PALLD: variants seen among roughly 807,000 people sequenced by gnomAD.
PALLD encodes the protein palladin.
Under a neutral mutation model 123.5 loss-of-function variants are expected in PALLD, and 61 were observed. The ratio of observed to expected loss-of-function variants is 0.49; its 90% CI spans 0.40 to 0.61. The LOEUF (loss-of-function observed/expected upper bound fraction) is 0.61, where lower values mean the gene tolerates loss of function less well. Ranked by LOEUF, PALLD falls within the 20% of genes least tolerant of loss-of-function variation. The probability of loss-of-function intolerance (pLI) is 0.00; values close to 1 mark genes in which losing one functional copy is unlikely to be tolerated. For missense variants in PALLD, 1,273 were observed against 1,377.0 expected (o/e 0.92, Z 1.20); for synonymous variants, 465 against 496.4 (o/e 0.94, Z 0.84).
At chr4:168,616,777 C>A (rs561528074) in intron 2 of PALLD, among the ~76,000 whole-genome samples, 1 of 152,172 alleles carries the variant, frequency 6.6e-6, no homozygotes, top group Non-Finnish European at 1.5e-5. Flanking sequence ...GCTTCCCAGG[C>A]AATTCCTAAG....
At chr4:168,701,791 T>C (rs1783697930) in intron 8 of PALLD, among the ~76,000 whole-genome samples, 1 of 152,166 alleles carries the variant, frequency 6.6e-6, no homozygotes, top group Admixed American at 6.5e-5. Flanking sequence ...CCTGGGAAGA[T>C]AGTCCAGGGA....
intron 2 of PALLD, among the ~76,000 whole-genome samples, chr4:168,662,124 G>A (rs1293772719): frequency 6.6e-6 from 1 of 151,990 alleles, no homozygotes; most frequent in African/African-American, 2.4e-5. Flanking sequence ...GTTCAGAATG[G>A]GAATGTAGAT....
At chr4:168,785,844 G>GATATATATATATATATATATAT (rs1230880749) in intron 10 of PALLD, among the ~76,000 whole-genome samples, 28 of 53,192 alleles carry the variant, frequency 5.3e-4, no homozygotes, top group African/African-American at 9.1e-4. Context: ...ATAAACTGTA[G>GATATATATATATATATATATAT]AGATATATAT....
chr4:168,609,062 C>G (rs1773475738), intron 2 of PALLD, among the ~76,000 whole-genome samples: 1 of 152,080 alleles, frequency 6.6e-6, no homozygotes, highest in Non-Finnish European at 1.5e-5. Context: ...ATTGGGTGAT[C>G]TGGAGTTGTC....
In PALLD at chr4:168,688,482, C is replaced by A. The variant is rs80337661; in HGVS notation, c.1336-2121C>A. ...TGTCAGGTGGACTTGATGGTATGGCCAGAGGGGTCCTTGTAAGGATCCTGA... is the reference window on the plus strand; with the variant it reads ...TGTCAGGTGGACTTGATGGTATGGCAAGAGGGGTCCTTGTAAGGATCCTGA... On this transcript the variant is annotated intron_variant, in intron 6 of 21. Coordinates refer to ENST00000505667, the MANE Select transcript of PALLD (RefSeq NM_001166108.2). Among the ~76,000 whole-genome samples, 1,042 of 152,262 alleles carry A rather than the reference C, an allele frequency of 6.8e-3. 11 individuals are homozygous for A. Among genetic ancestry groups the A allele is most frequent in the East Asian group, 0.021 (110 of 5,180 alleles).
At chr4:168,701,468 A>G (rs184596638) in intron 8 of PALLD, among the ~76,000 whole-genome samples, 41 of 152,376 alleles carry the variant, frequency 2.7e-4, no homozygotes, top group Non-Finnish European at 4.3e-4. Context: ...GGGCAACTGT[A>G]TATTCATCCT....
At chr4:168,741,379 A>G (rs1323663736) in intron 10 of PALLD, among the ~76,000 whole-genome samples, 1 of 147,900 alleles carries the variant, frequency 6.8e-6, no homozygotes, top group Non-Finnish European at 1.5e-5. Context: ...TCTTTTTGAT[A>G]AGAATAGTTG....
intron 2 of PALLD, among the ~76,000 whole-genome samples, chr4:168,634,076 CTTAAA>C (rs1776102035): frequency 6.6e-6 from 1 of 152,178 alleles, no homozygotes; most frequent in South Asian, 2.1e-4. Context: ...CTCGGTGTCT[CTTAAA>C]TTAATCATGA....
intron 10 of PALLD, among the ~76,000 whole-genome samples, chr4:168,745,799 A>G (rs542853103): frequency 6.6e-6 from 1 of 152,198 alleles, no homozygotes; most frequent in African/African-American, 2.4e-5. Flanking sequence ...GCTAGTTTGC[A>G]TGTGATCTAA....
chr4:168,824,266 C>T (rs1743118033), intron 10 of PALLD, among the ~76,000 whole-genome samples: 1 of 152,056 alleles, frequency 6.6e-6, no homozygotes, highest in Non-Finnish European at 1.5e-5. Flanking sequence ...TCCAGAAATA[C>T]ATTTTTTTAT....
intron 8 of PALLD, among the ~76,000 whole-genome samples, chr4:168,692,243 G>A (rs1782703277): frequency 6.6e-6 from 1 of 152,126 alleles, no homozygotes; most frequent in African/African-American, 2.4e-5. Flanking sequence ...TCTCACATCT[G>A]TGTACTGGAT....
intron 10 of PALLD, among the ~76,000 whole-genome samples, chr4:168,792,896 A>G (rs1284265316): frequency 6.6e-6 from 1 of 151,146 alleles, no homozygotes; most frequent in Non-Finnish European, 1.5e-5. Context: ...CCTCCCAAGT[A>G]GCTGAGATTA....
At chr4:168,714,811 G>T (rs1295237758) in intron 10 of PALLD, among the ~76,000 whole-genome samples, 1 of 151,786 alleles carries the variant, frequency 6.6e-6, no homozygotes, top group Non-Finnish European at 1.5e-5. Flanking sequence ...ATCTGAAAAT[G>T]GTGTCTGATG....
chr4:168,584,909 GCA>G (rs1303145761), intron 2 of PALLD, among the ~76,000 whole-genome samples: 1 of 152,168 alleles, frequency 6.6e-6, no homozygotes, highest in East Asian at 1.9e-4. Flanking sequence ...AAGTACCCAT[GCA>G]CACACACATG....
chr4:168,544,486 A>G (rs1349330435), intron 2 of PALLD, among the ~76,000 whole-genome samples: 3 of 152,246 alleles, frequency 2.0e-5, no homozygotes, highest in Admixed American at 6.5e-5. Context: ...TCTACTAGGC[A>G]TTTAAAGATG....
intron 18 of PALLD, among the ~76,000 whole-genome samples, chr4:168,923,092 A>G (rs1390396245): frequency 6.6e-6 from 1 of 152,238 alleles, no homozygotes; most frequent in Non-Finnish European, 1.5e-5. Flanking sequence ...AATGCTGCAA[A>G]GTGGTAGATG....
intron 2 of PALLD, among the ~76,000 whole-genome samples, chr4:168,515,643 C>T (rs777750558): frequency 4.6e-5 from 7 of 152,106 alleles, no homozygotes; most frequent in East Asian, 1.9e-4. Context: ...ATAGGGAATG[C>T]GTCACAGGAA....
At chr4:168,868,222 C>G (rs1017407742) in intron 10 of PALLD, among the ~76,000 whole-genome samples, 7 of 152,136 alleles carry the variant, frequency 4.6e-5, no homozygotes, top group African/African-American at 1.4e-4. Context: ...AGCCATATAC[C>G]AGTTGACTAG....
At chr4:168,725,878 A>T (rs1461257428) in intron 10 of PALLD, among the ~76,000 whole-genome samples, 1 of 152,228 alleles carries the variant, frequency 6.6e-6, no homozygotes, top group Non-Finnish European at 1.5e-5. Context: ...AACTCTAAAA[A>T]GAGTAGCTTA....
Sources: allele counts gnomAD v4.1 joint callset (sites outside exome capture counted in the v4.1 genomes callset), GRCh38; gene constraint gnomAD v4.1.1; transcripts MANE v1.5; gene names NCBI Gene and HGNC (gene_info 2026-07-23, HGNC 2026-07-21).